The following PPM1A variants were observed in gnomAD, a reference collection of about 807,000 sequenced individuals.
PPM1A encodes protein phosphatase, Mg2+/Mn2+ dependent 1A, also known as protein phosphatase 1A.
Under a neutral mutation model 35.0 loss-of-function variants are expected in PPM1A, and 7 were observed. That is an observed-to-expected ratio of 0.20 (90% CI 0.11 to 0.38). PPM1A has a LOEUF of 0.38. PPM1A is among the 10% of genes least tolerant of loss of function. The pLI, the probability that PPM1A is intolerant of heterozygous loss-of-function variation, is 1.00. For missense variants in PPM1A, 239 were observed against 467.8 expected, an observed-to-expected ratio of 0.51 and a Z score of 4.51; for synonymous variants, 153 against 167.3, an observed-to-expected ratio of 0.91 and a Z score of 0.66.
Position 60,297,753 on chromosome 14 carries a change from A to C in PPM1A, c.*5271A>C, listed in dbSNP as rs1437668268. On this transcript the variant is annotated 3_prime_UTR_variant, in exon 6 of 6. Transcript: ENST00000395076. ...TAGGTACAGTGAATGACACAAAATC[A>C]TTTTAGCAATGCTTCTTAACCTTTT... 1 of 151,704 alleles carries C rather than the reference A, an allele frequency of 6.6e-6. No individual in the cohort carries two copies. The highest frequency in any genetic ancestry group is 2.4e-5 in the African/African-American group (1 of 41,390). The allele number at this position is 151,704 out of a possible 1,614,324, so 9.4% of individuals were successfully genotyped here.
chr14:60,296,499 CT>C lies in PPM1A; in HGVS notation c.*4021del. ...AAGGGACCTTAAAGAGTTTTATATA[CT>C]TTTGCTCACAGAAACTGCTGGTGAG... On this transcript the variant is annotated 3_prime_UTR_variant, in exon 6 of 6. Coordinates refer to ENST00000395076, the MANE Select transcript of PPM1A (RefSeq NM_021003.5). The surrounding 1 kb of genome is among the most constrained non-coding windows in gnomAD (Gnocchi z 4.4). 1 of 289,772 alleles carries C rather than the reference CT, an allele frequency of 3.5e-6. No individual in the cohort carries two copies. The highest frequency in any genetic ancestry group is 5.0e-5 in the East Asian group (1 of 19,876). 18.0% of individuals were successfully genotyped at this position (289,772 alleles called of 1,614,324 possible). A position where few individuals can be genotyped will look rare whatever the true frequency, so the allele number is the denominator to read the frequency against.
Position 60,296,243 on chromosome 14 carries a change from T to A in PPM1A, c.*3761T>A, listed in dbSNP as rs1372689651. On this transcript the variant is annotated 3_prime_UTR_variant, in exon 6 of 6. Transcript: ENST00000395076. This position sits in a 1 kb window ranked among gnomAD's most constrained non-coding sequence, Gnocchi z 4.4. ...TATTTTAAAATAATTTCACTGCCCA[T>A]CTTTACTGGACAAACTCATTTGGAG... 6.6e-6 allele frequency: 1 copy of A among 151,952 alleles called. No individual in the cohort carries two copies. Among genetic ancestry groups the A allele is most frequent in the African/African-American group, 2.4e-5 (1 of 41,420 alleles). 9.4% of individuals were successfully genotyped at this position (151,952 alleles called of 1,614,324 possible).
chr14:60,270,425 T>G (rs1447989484), intron 1 of PPM1A, among the ~76,000 whole-genome samples: 1 of 152,118 alleles, frequency 6.6e-6, no homozygotes, highest in Admixed American at 6.5e-5. Context: ...TTTAGTTACT[T>G]TTTTATTTCA....
intron 1 of PPM1A, among the ~76,000 whole-genome samples, chr14:60,255,170 TTTTGTTTTGTTTTG>T (rs1882931461): frequency 1.8e-5 from 2 of 109,610 alleles, no homozygotes; most frequent in African/African-American, 1.3e-4. Context: ...TTTTTTTTTT[TTTTGTTTTGTTTTG>T]TTTTTGAGAC....
intron 2 of PPM1A, among the ~76,000 whole-genome samples, chr14:60,284,879 C>T (rs1490555421): frequency 6.6e-6 from 1 of 151,792 alleles, no homozygotes; most frequent in East Asian, 1.9e-4. Context: ...CTTTCTGCCA[C>T]ACTCTGTTCT....
chr14:60,271,497 G>A (rs1354028628), intron 1 of PPM1A, among the ~76,000 whole-genome samples: 3 of 152,172 alleles, frequency 2.0e-5, no homozygotes, highest in Non-Finnish European at 2.9e-5. Context: ...TGTGCTGTTT[G>A]TTAGAATCAC....
At position 60,249,730 on chromosome 14, in the gene PPM1A, C is replaced by T. The variant is rs1882102174; in HGVS notation, c.-21+53C>T. On this transcript the variant is annotated intron_variant, in intron 1 of 5. Transcript: ENST00000395076. The surrounding 1 kb of genome is among the most constrained non-coding windows in gnomAD (Gnocchi z 4.5). ...GGCTGGCGGGCGGTGCGGGCCTGCG[C>T]GGCGGCGGCGGCGGGCAGGCCTGGG... The T allele has an allele frequency of 6.4e-5, 58 of 908,482 alleles. No individual in the cohort carries two copies. The highest frequency in any genetic ancestry group is 7.4e-5 in the Non-Finnish European group (56 of 761,236). The allele number at this position is 908,482 out of a possible 1,614,324, so 56.3% of individuals were successfully genotyped here.
In PPM1A at chr14:60,249,591, GCCGTCGCCGCCGCGGTGACCCCCTCC is replaced by G; in HGVS notation, c.-103_-78del. On this transcript the variant is annotated 5_prime_UTR_variant, in exon 1 of 6. Coordinates refer to ENST00000395076, the MANE Select transcript of PPM1A (RefSeq NM_021003.5). This position sits in a 1 kb window ranked among gnomAD's most constrained non-coding sequence, Gnocchi z 4.5. Reference sequence around the variant, plus strand: ...AGCGGTGACCCCTCCCCCGGCTGCCGCCGTCGCCGCCGCGGTGACCCCCTCCCCGGCTGCCGCCGCCGCCGCCTCGG... The same window carrying G: ...AGCGGTGACCCCTCCCCCGGCTGCCGCCGGCTGCCGCCGCCGCCGCCTCGG... 1 of 986,828 alleles carries G rather than the reference GCCGTCGCCGCCGCGGTGACCCCCTCC, an allele frequency of 1.0e-6. No homozygotes were observed. Among genetic ancestry groups the G allele is most frequent in the South Asian group, 4.5e-5 (1 of 22,114 alleles). 61.1% of individuals were successfully genotyped at this position (986,828 alleles called of 1,614,324 possible).
chr14:60,265,789 G>A (rs1884305769), intron 1 of PPM1A, among the ~76,000 whole-genome samples: 1 of 152,118 alleles, frequency 6.6e-6, no homozygotes, highest in South Asian at 2.1e-4. Flanking sequence ...AGGGCAAGAC[G>A]GGGCCAGACT....
At chr14:60,275,533 C>T (rs565822297) in intron 1 of PPM1A, among the ~76,000 whole-genome samples, 6 of 152,248 alleles carry the variant, frequency 3.9e-5, no homozygotes, top group African/African-American at 1.4e-4. Context: ...ATTGCCCAGG[C>T]TGGAGTGCAG....
intron 1 of PPM1A, among the ~76,000 whole-genome samples, chr14:60,269,511 C>G (rs991374187): frequency 1.3e-5 from 2 of 152,012 alleles, no homozygotes; most frequent in Non-Finnish European, 2.9e-5. Flanking sequence ...AGTCTGGGAC[C>G]AGCCTGATTT....
chr14:60,274,837 A>T (rs937962175), intron 1 of PPM1A, among the ~76,000 whole-genome samples: 2 of 150,998 alleles, frequency 1.3e-5, no homozygotes, highest in African/African-American at 4.9e-5. Flanking sequence ...ATTCAATGTC[A>T]TTTCATATCT....
rs1166228648 is a variant in PPM1A, at chr14:60,296,749, C to G, written c.*4267C>G. 2.9e-6 allele frequency: 1 copy of G among 346,578 alleles called. No homozygotes were observed. The highest frequency in any genetic ancestry group is 5.3e-6 in the Non-Finnish European group (1 of 188,982). The allele number at this position is 346,578 out of a possible 1,614,324, so 21.5% of individuals were successfully genotyped here. A position where few individuals can be genotyped will look rare whatever the true frequency, so the allele number is the denominator to read the frequency against. ...TATAATACTGTATTGTTTTGTTGATCAGAATAATAAGTCTCAGTTAAATGT... is the reference window on the plus strand; with the variant it reads ...TATAATACTGTATTGTTTTGTTGATGAGAATAATAAGTCTCAGTTAAATGT... On this transcript the variant is annotated 3_prime_UTR_variant, in exon 6 of 6. Coordinates refer to ENST00000395076, the MANE Select transcript of PPM1A (RefSeq NM_021003.5). This position sits in a 1 kb window ranked among gnomAD's most constrained non-coding sequence, Gnocchi z 4.4.
In PPM1A at chr14:60,295,614, T is replaced by C. The variant is rs1887998959; in HGVS notation, c.*3132T>C. ...CTAATAACTCAGTTTTTTTACAAAA[T>C]GTTTCGAGTATTATTGGTAAAACAC... On this transcript the variant is annotated 3_prime_UTR_variant, in exon 6 of 6. Coordinates refer to ENST00000395076, the MANE Select transcript of PPM1A (RefSeq NM_021003.5). 1 of 151,644 alleles carries C rather than the reference T, an allele frequency of 6.6e-6. No individual in the cohort carries two copies. The highest frequency in any genetic ancestry group is 1.5e-5 in the Non-Finnish European group (1 of 67,660). 9.4% of individuals were successfully genotyped at this position (151,644 alleles called of 1,614,324 possible).
chr14:60,277,033 T>C, intron 1 of PPM1A: 1 of 1,205,692 alleles, frequency 8.3e-7, no homozygotes, highest in Non-Finnish European at 1.1e-6. Context: ...TCAGATCAAC[T>C]GATAATACTA....
In PPM1A at chr14:60,259,623, A is replaced by T. The variant is rs574597603; in HGVS notation, c.-21+9946A>T. 1.6e-3 allele frequency among the ~76,000 whole-genome samples: 242 copies of T among 152,242 alleles called. 2 individuals are homozygous for T. The highest frequency in any genetic ancestry group is 5.7e-3 in the African/African-American group (238 of 41,590). ...GTCTATAGATAACTTGGATAAGACAAGTTATCCAAAACTGATAAATCTGAA... is the reference window on the plus strand; with the variant it reads ...GTCTATAGATAACTTGGATAAGACATGTTATCCAAAACTGATAAATCTGAA... On this transcript the variant is annotated intron_variant, in intron 1 of 5. Transcript: ENST00000395076.
chr14:60,284,681 A>ATG (rs1339495919), intron 2 of PPM1A, among the ~76,000 whole-genome samples: 380 of 127,346 alleles, frequency 3.0e-3, no homozygotes, highest in African/African-American at 0.012. Context: ...TAATGAGCGT[A>ATG]TGTATATATA....
At chr14:60,285,163 A>G (rs979931264) in intron 2 of PPM1A, among the ~76,000 whole-genome samples, 4 of 152,140 alleles carry the variant, frequency 2.6e-5, no homozygotes, top group African/African-American at 9.7e-5. Flanking sequence ...ACAATTTATA[A>G]TTTATTTTAA....
rs1194911418 is a variant in PPM1A at position 60,260,669 on chromosome 14, AT to A, written c.-21+10994del. 6.5e-4 allele frequency among the ~76,000 whole-genome samples: 99 copies of A among 152,254 alleles called. 1 individual carries two copies. The East Asian group carries it at 0.017, about 26-fold the overall frequency. On this transcript the variant is annotated intron_variant, in intron 1 of 5. Coordinates refer to ENST00000395076, the MANE Select transcript of PPM1A (RefSeq NM_021003.5). The stretch of plus-strand genomic sequence containing the variant: ...CACCTCCAAAAGATACCCTGTACTC[AT>A]TAGCAGTCACTCCCCATTCACCAGT...
Sources: allele counts gnomAD v4.1 joint callset (sites outside exome capture counted in the v4.1 genomes callset), GRCh38; gene constraint gnomAD v4.1.1; non-coding constraint Gnocchi (gnomAD v3.1); transcripts MANE v1.5; gene names NCBI Gene and HGNC (gene_info 2026-07-23, HGNC 2026-07-21).